L1TD1: variants seen among roughly 807,000 people sequenced by gnomAD.
L1TD1 encodes LINE-1 type transposase domain-containing protein 1.
L1TD1 carries 26 observed loss-of-function variants against 25.7 expected under a neutral mutation model. The ratio of observed to expected loss-of-function variants is 1.01; its 90% confidence interval spans 0.74 to 1.40. The LOEUF (loss-of-function observed/expected upper bound fraction) is 1.40. Among genes scored for constraint, L1TD1 ranks in the 40% most tolerant of loss-of-function variants. The probability of loss-of-function intolerance (pLI) is 0.00; values close to 1 mark genes in which losing one functional copy is unlikely to be tolerated. For missense variants in L1TD1, 1,130 were observed against 975.0 expected (o/e 1.16, Z -2.12); for synonymous variants, 421 against 335.6 (o/e 1.25, Z -2.78).
Position 62,210,186 on chromosome 1 carries a change from ACT to A in L1TD1, c.1415_1416del (p.Ser472CysfsTer5), listed in dbSNP as rs757725698. On this transcript the variant is annotated frameshift_variant, in exon 4 of 4. Transcript: ENST00000498273. LOFTEE classifies it low-confidence loss of function (END_TRUNC). ...GATGGCATGGAAACTACTTTCATTG[ACT>A]CTGTAGAGGATTCTGAATCAGAGGA... The A allele has an allele frequency of 4.2e-5, 67 of 1,613,916 alleles. No individual in the cohort carries two copies. In the South Asian group the frequency reaches 6.3e-4, roughly 15 times the overall value.
chr1:62,195,804 C>T (rs1670525020), intron 1 of L1TD1, among the ~76,000 whole-genome samples: 1 of 151,978 alleles, frequency 6.6e-6, no homozygotes, highest in Admixed American at 6.6e-5. Context: ...TTTGGGAGGC[C>T]GAGGCGGGGG....
chr1:62,206,521 T>C lies in L1TD1; in HGVS notation c.-108T>C. On this transcript the variant is annotated splice_region_variant and 5_prime_UTR_variant, in exon 3 of 4. Transcript: ENST00000498273. Reference sequence around the variant, plus strand: ...TTTTTCATTTTTTTGTATTTCAGATTGACGTATTTTAAGATTTTTTTAACT... The same window carrying C: ...TTTTTCATTTTTTTGTATTTCAGATCGACGTATTTTAAGATTTTTTTAACT... The C allele has an allele frequency of 9.1e-7, 1 of 1,098,524 alleles. No individual in the cohort carries two copies. The highest frequency in any genetic ancestry group is 1.2e-6 in the Non-Finnish European group (1 of 823,496). 68.0% of individuals were successfully genotyped at this position (1,098,524 alleles called of 1,614,324 possible). A position where few individuals can be genotyped will look rare whatever the true frequency, so the allele number is the denominator to read the frequency against.
chr1:62,211,220 G>GA lies in L1TD1; in HGVS notation c.2451dup (p.Gly818ArgfsTer3), dbSNP rs1427750225. On this transcript the variant is annotated frameshift_variant, in exon 4 of 4. Coordinates refer to ENST00000498273, the MANE Select transcript of L1TD1 (RefSeq NM_019079.5). LOFTEE classifies it low-confidence loss of function (END_TRUNC). ...GAGCAATGTCTTCAAAGTTCTGCTG[G>GA]AAAAAGGCTTTAATCCTAGAATCCT... is the stretch of plus-strand genomic sequence containing the variant. The GA allele has an allele frequency of 1.3e-6, 2 of 1,560,826 alleles. No homozygotes were observed. Among genetic ancestry groups the GA allele is most frequent in the African/African-American group, 1.4e-5 (1 of 73,334 alleles).
At position 62,210,290 on chromosome 1, in the gene L1TD1, CAAA is replaced by C; in HGVS notation, c.1519_1521del (p.Lys507del). Reference sequence around the variant, plus strand: ...GACTGAGAAAAAAGCCTCACGTAGACAAAAAGAAATTCCCTTTAGTTATTTGGT... The same window carrying C: ...GACTGAGAAAAAAGCCTCACGTAGACAAGAAATTCCCTTTAGTTATTTGGT... On this transcript the variant is annotated inframe_deletion, in exon 4 of 4. Coordinates refer to ENST00000498273, the MANE Select transcript of L1TD1 (RefSeq NM_019079.5). The C allele has an allele frequency of 6.2e-7, 1 of 1,613,898 alleles. No individual in the cohort carries two copies. The highest frequency in any genetic ancestry group is 8.5e-7 in the Non-Finnish European group (1 of 1,179,976).
chr1:62,212,322 C>T lies in L1TD1; in HGVS notation c.*950C>T, dbSNP rs1007716289. 2.0e-5 allele frequency: 3 copies of T among 152,074 alleles called. No individual in the cohort carries two copies. Among genetic ancestry groups the T allele is most frequent in the African/African-American group, 7.2e-5 (3 of 41,430 alleles). 9.4% of individuals were successfully genotyped at this position (152,074 alleles called of 1,614,324 possible). A position where few individuals can be genotyped will look rare whatever the true frequency, so the allele number is the denominator to read the frequency against. On this transcript the variant is annotated 3_prime_UTR_variant, in exon 4 of 4. Transcript: ENST00000498273. ...GACTCGAATATATTAAATCTTTTTC[C>T]TTTGAATACTGTATACTGTTTGCTT...
chr1:62,204,256 C>T (rs1183328484), intron 2 of L1TD1, among the ~76,000 whole-genome samples: 1 of 151,966 alleles, frequency 6.6e-6, no homozygotes, highest in Non-Finnish European at 1.5e-5. Context: ...CTTTTGGTTT[C>T]TTGGGTAGAT....
intron 2 of L1TD1, among the ~76,000 whole-genome samples, chr1:62,198,782 C>T (rs1267798301): frequency 6.7e-5 from 5 of 74,568 alleles, no homozygotes; most frequent in Admixed American, 6.4e-4. Context: ...TTAAAGTAAC[C>T]TCCTTAAAAT....
At chr1:62,197,400 TATATATATATATATATATA>T in intron 2 of L1TD1, among the ~76,000 whole-genome samples, 1 of 111,852 alleles carries the variant, frequency 8.9e-6, no homozygotes, top group South Asian at 2.6e-4. Context: ...AAATAAATTA[TATATATATATATATATATA>T]TATATATATA....
Position 62,211,814 on chromosome 1 carries a change from AAT to A in L1TD1, c.*443_*444del, listed in dbSNP as rs1553123313. ...CCCCGTCTCTACTAAAAATAAAAAA[AAT>A]TAGCCGGGCATGGTGGCGGGCGCCT... On this transcript the variant is annotated 3_prime_UTR_variant, in exon 4 of 4. Transcript: ENST00000498273. 2.0e-5 allele frequency: 3 copies of A among 152,604 alleles called. No individual in the cohort carries two copies. The highest frequency in any genetic ancestry group is 7.3e-5 in the African/African-American group (3 of 41,294). The allele number at this position is 152,604 out of a possible 1,614,324, so 9.5% of individuals were successfully genotyped here. A position where few individuals can be genotyped will look rare whatever the true frequency, so the allele number is the denominator to read the frequency against.
At chr1:62,198,257 C>T (rs920616444) in intron 2 of L1TD1, among the ~76,000 whole-genome samples, 1 of 151,772 alleles carries the variant, frequency 6.6e-6, no homozygotes, top group African/African-American at 2.4e-5. Context: ...CACTTGGTCC[C>T]TGGAGTTTGT....
intron 2 of L1TD1, among the ~76,000 whole-genome samples, chr1:62,203,878 C>T (rs910571354): frequency 6.6e-6 from 1 of 152,158 alleles, no homozygotes; most frequent in Non-Finnish European, 1.5e-5. Flanking sequence ...AGCCACCACG[C>T]CTGGCCTCTG....
At chr1:62,203,347 T>C (rs760603294) in intron 2 of L1TD1, among the ~76,000 whole-genome samples, 1 of 152,184 alleles carries the variant, frequency 6.6e-6, no homozygotes, top group Middle Eastern at 3.2e-3. Flanking sequence ...CTAGATTATT[T>C]TTGTACCCAT....
chr1:62,198,450 A>T lies in L1TD1; in HGVS notation c.-111+1922A>T, dbSNP rs888265185. Among the ~76,000 whole-genome samples the T allele has an allele frequency of 2.9e-3, 434 of 149,980 alleles. 3 individuals carry two copies. Among genetic ancestry groups the T allele is most frequent in the African/African-American group, 0.01 (410 of 39,582 alleles). ...GGACTAGTAATTGTTCTTATTTAAA[A>T]AAAAAAAAAAGAAGAAAAGAGAAGT... On this transcript the variant is annotated intron_variant, in intron 2 of 3. Transcript: ENST00000498273.
Position 62,211,105 on chromosome 1 carries a change from T to G in L1TD1, c.2331T>G (p.Ser777=), listed in dbSNP as rs184365622. ...SSDKEKIIRA[S]RERREITYQG... The stretch of plus-strand genomic sequence containing the variant: ...ATAAAGAGAAAATAATAAGGGCTTC[T>G]AGAGAGAGAAGAGAAATTACCTACC... Residue 777 remains serine (S), a synonymous_variant, in exon 4 of 4, where the codon TCT becomes TCG. Transcript: ENST00000498273. 9.4e-5 allele frequency: 145 copies of G among 1,550,488 alleles called. No individual in the cohort carries two copies. The East Asian group carries it at 3.1e-3, about 33-fold the overall frequency.
chr1:62,207,231 G>T lies in L1TD1; in HGVS notation c.603G>T (p.Lys201Asn). ...AATTTACAGAAAGAGAGAGTAGGAA[G>T]GATGGAGAGGATGAATTTGTCAAAG... ...HLEFTERESR[K>N]DGEDEFVKEM... is the part of the protein sequence containing the mutation. The change falls in exon 3 of 4, where the codon AAG becomes AAT. Residue 201 changes from lysine (K) to asparagine (N), a missense_variant. Lys to Asn is a moderately conservative substitution (Grantham distance 94). Transcript: ENST00000498273. 1 of 1,551,546 alleles carries T rather than the reference G, an allele frequency of 6.4e-7. No individual in the cohort carries two copies. Among genetic ancestry groups the T allele is most frequent in the East Asian group, 2.4e-5 (1 of 40,888 alleles).
intron 2 of L1TD1, among the ~76,000 whole-genome samples, chr1:62,200,994 G>A (rs1670629351): frequency 6.6e-6 from 1 of 151,858 alleles, no homozygotes; most frequent in South Asian, 2.1e-4. Context: ...GTGCAGTGGC[G>A]TTAACCCTAA....
chr1:62,210,636 T>G lies in L1TD1; in HGVS notation c.1862T>G (p.Val621Gly). The G allele has an allele frequency of 3.2e-6, 5 of 1,585,980 alleles. No homozygotes were observed. The highest frequency in any genetic ancestry group is 4.3e-6 in the Non-Finnish European group (5 of 1,165,458). ...ACAGAAGAAAACTTGAGAAGTAGTGTGATTAATAGCATCAGAGAGATAAAA... is the reference window on the plus strand; with the variant it reads ...ACAGAAGAAAACTTGAGAAGTAGTGGGATTAATAGCATCAGAGAGATAAAA... ...EETEENLRSS[V>G]INSIREIKEE... The change falls in exon 4 of 4, where the codon GTG becomes GGG. Residue 621 changes from valine to glycine, a missense_variant. Physicochemically the swap from Val to Gly is moderately radical, Grantham distance 109. Coordinates refer to ENST00000498273, the MANE Select transcript of L1TD1 (RefSeq NM_019079.5).
At chr1:62,207,940 G>A (rs1331479624) in intron 3 of L1TD1, among the ~76,000 whole-genome samples, 1 of 152,126 alleles carries the variant, frequency 6.6e-6, no homozygotes, top group South Asian at 2.1e-4. Context: ...TCAAACTCCC[G>A]ACCTCAGGTG....
At chr1:62,209,136 A>G (rs565256421) in intron 3 of L1TD1, among the ~76,000 whole-genome samples, 1 of 152,292 alleles carries the variant, frequency 6.6e-6, no homozygotes, top group African/African-American at 2.4e-5. Context: ...TGCTGCCATT[A>G]GACCCTGCTT....
Sources: gnomAD v4.1 joint callset for allele counts (sites outside exome capture counted in the v4.1 genomes callset) on GRCh38, gnomAD v4.1.1 for gene constraint, MANE v1.5 for transcripts, NCBI Gene and HGNC (gene_info 2026-07-23, HGNC 2026-07-21) for gene names.